The following SYNRG variants were observed in gnomAD, a reference collection of about 807,000 sequenced individuals.
SYNRG encodes AP1 gamma subunit binding protein 1.
In SYNRG, 37 loss-of-function variants were observed where a neutral mutation model predicts 130.9. The observed-to-expected ratio is 0.28, with a 90% confidence interval of 0.22 to 0.37. The LOEUF is 0.37. Ranked by LOEUF, SYNRG falls within the 10% of genes least tolerant of loss-of-function variation. The probability of loss-of-function intolerance (pLI) is 1.00; values close to 1 mark genes in which losing one functional copy is unlikely to be tolerated. For missense variants in SYNRG, 1,338 were observed against 1,588.9 expected, an observed-to-expected ratio of 0.84 and a Z score of 2.68; for synonymous variants, 539 against 568.1, an observed-to-expected ratio of 0.95 and a Z score of 0.73.
rs2057846977 is a variant in SYNRG, at chr17:37,542,441, A to C, written c.2733T>G (p.Phe911Leu). Reference sequence around the variant, plus strand: ...GGGATCCACTTCCTGCTGAGAGGACAAATGGAGAGAGTTTTCTGCCCTGAG... The same window carrying C: ...GGGATCCACTTCCTGCTGAGAGGACCAATGGAGAGAGTTTTCTGCCCTGAG... ...DATQGRKLSP[F>L]VLSAGSGSPS... Residue 911 changes from phenylalanine (F) to leucine (L), a missense_variant, in exon 15 of 22, where the codon TTT becomes TTG. Physicochemically the swap from Phe to Leu is conservative, Grantham distance 22 (BLOSUM62 0). Transcript: ENST00000612223. 6.2e-7 allele frequency: 1 copy of C among 1,614,082 alleles called. No individual in the cohort carries two copies. Among genetic ancestry groups the C allele is most frequent in the Non-Finnish European group, 8.5e-7 (1 of 1,180,052 alleles).
intron 19 of SYNRG, among the ~76,000 whole-genome samples, chr17:37,524,867 A>G (rs1165435515): frequency 6.6e-6 from 1 of 152,254 alleles, no homozygotes; most frequent in Non-Finnish European, 1.5e-5. Flanking sequence ...CACATTACAG[A>G]TAGTCATCAT....
chr17:37,514,837 G>A lies in SYNRG; in HGVS notation c.*4103C>T, dbSNP rs963603086. The A allele has an allele frequency of 1.3e-5, 2 of 152,164 alleles. No homozygotes were observed. The highest frequency in any genetic ancestry group is 4.8e-5 in the African/African-American group (2 of 41,426). The allele number at this position is 152,164 out of a possible 1,614,324, so 9.4% of individuals were successfully genotyped here. On this transcript the variant is annotated 3_prime_UTR_variant, in exon 22 of 22. Transcript: ENST00000612223. The stretch of plus-strand genomic sequence containing the variant: ...CTACACTTGTATTTTGGTTAGAGAA[G>A]TTTAACAAGGGGTGATTTCAGAACA...
intron 3 of SYNRG, among the ~76,000 whole-genome samples, chr17:37,595,777 G>A (rs568677768): frequency 7.6e-5 from 11 of 144,762 alleles, no homozygotes; most frequent in South Asian, 2.2e-4. Flanking sequence ...TTTTTGAGAC[G>A]GGAGTCTCAC....
chr17:37,536,209 A>G (rs772708732), intron 18 of SYNRG, 82 bp from the exon 19 acceptor site: 28 of 1,459,980 alleles, frequency 1.9e-5, no homozygotes, highest in Non-Finnish European at 2.4e-5. Flanking sequence ...TTGCTTGCTG[A>G]TATCTGTGAG....
At chr17:37,543,897 A>C (rs182776865) in intron 14 of SYNRG, among the ~76,000 whole-genome samples, 1 of 152,400 alleles carries the variant, frequency 6.6e-6, no homozygotes, top group Non-Finnish European at 1.5e-5. Context: ...TGAGGCAAGA[A>C]GGCCAAATAT....
rs567682471 is a variant in SYNRG at position 37,516,445 on chromosome 17, T to A, written c.*2495A>T. 7 of 152,248 alleles carry A rather than the reference T, an allele frequency of 4.6e-5. No homozygotes were observed. The East Asian group carries it at 1.3e-3, about 29-fold the overall frequency. 9.4% of individuals were successfully genotyped at this position (152,248 alleles called of 1,614,324 possible). On this transcript the variant is annotated 3_prime_UTR_variant, in exon 22 of 22. Coordinates refer to ENST00000612223, the MANE Select transcript of SYNRG (RefSeq NM_007247.6). The stretch of plus-strand genomic sequence containing the variant: ...ATCTGCTGAATTTTCCTGTGGCACC[T>A]CCCAAGGAGTGACTAAGCCTACCAT...
chr17:37,571,140 C>T (rs1489967070), intron 9 of SYNRG, among the ~76,000 whole-genome samples: 1 of 152,180 alleles, frequency 6.6e-6, no homozygotes, highest in African/African-American at 2.4e-5. Flanking sequence ...ATGATCAAAT[C>T]ATTTAAAATG....
At position 37,518,810 on chromosome 17, in the gene SYNRG, G is replaced by A. The variant is rs1390662771; in HGVS notation, c.*130C>T. 1.7e-5 allele frequency: 23 copies of A among 1,376,028 alleles called. No individual in the cohort carries two copies. The highest frequency in any genetic ancestry group is 1.1e-4 in the South Asian group (7 of 65,070). The allele number at this position is 1,376,028 out of a possible 1,614,324, so 85.2% of individuals were successfully genotyped here. A position where few individuals can be genotyped will look rare whatever the true frequency, so the allele number is the denominator to read the frequency against. ...TGGCCGTGGGGATGACGGGGGCCCCGTCCCTTGCGGTGTTCTTCATATCGA... is the reference window on the plus strand; with the variant it reads ...TGGCCGTGGGGATGACGGGGGCCCCATCCCTTGCGGTGTTCTTCATATCGA... On this transcript the variant is annotated 3_prime_UTR_variant, in exon 22 of 22. Transcript: ENST00000612223.
rs559154640 is a variant in SYNRG, at chr17:37,531,606, G to A, written c.3666+4373C>T. 5.3e-5 allele frequency among the ~76,000 whole-genome samples: 8 copies of A among 152,188 alleles called. No homozygotes were observed. In the East Asian group the frequency reaches 1.4e-3, roughly 26 times the overall value. ...AGCCTGAGCAACATGGCAAAACCCT[G>A]TCTTTACAAAAAATACAAAAACATT... On this transcript the variant is annotated intron_variant, in intron 19 of 21. Transcript: ENST00000612223.
At chr17:37,539,594 C>T (rs558444747) in intron 16 of SYNRG, among the ~76,000 whole-genome samples, 1 of 152,298 alleles carries the variant, frequency 6.6e-6, no homozygotes, top group East Asian at 1.9e-4. Context: ...TTGTCTTGAA[C>T]TCCTGAGCTC....
At chr17:37,531,619 A>G (rs528289033) in intron 19 of SYNRG, among the ~76,000 whole-genome samples, 5 of 152,212 alleles carry the variant, frequency 3.3e-5, no homozygotes, top group African/African-American at 1.2e-4. Context: ...TTTACAAAAA[A>G]TACAAAAACA....
intron 3 of SYNRG, among the ~76,000 whole-genome samples, chr17:37,592,975 A>G (rs945017916): frequency 6.6e-6 from 1 of 152,206 alleles, no homozygotes; most frequent in Non-Finnish European, 1.5e-5. Flanking sequence ...CATGTCCATC[A>G]TGTGCTCTAA....
chr17:37,562,075 T>C (rs1226856210), intron 11 of SYNRG, among the ~76,000 whole-genome samples: 1 of 152,190 alleles, frequency 6.6e-6, no homozygotes, highest in Admixed American at 6.5e-5. Context: ...ATAGTTGAGA[T>C]AAAAATCTAT....
intron 19 of SYNRG, among the ~76,000 whole-genome samples, chr17:37,533,042 G>T (rs935460952): frequency 1.4e-4 from 21 of 151,032 alleles, no homozygotes; most frequent in Middle Eastern, 3.2e-3. Flanking sequence ...CTTTTTTTTT[G>T]AAGGCAATGT....
chr17:37,541,965 T>C lies in SYNRG; in HGVS notation c.3202+7A>G. On this transcript the variant is annotated splice_region_variant and intron_variant, in intron 15 of 21. Coordinates refer to ENST00000612223, the MANE Select transcript of SYNRG (RefSeq NM_007247.6). ...CAATAGTAAAATCTACCTTGGAAGC[T>C]ACTCACCTTGAACAGAAAGGTCAAA... The C allele has an allele frequency of 6.2e-7, 1 of 1,607,192 alleles. No individual in the cohort carries two copies.
rs191449529 is a variant in SYNRG, at chr17:37,549,407, T to C, written c.2608+3708A>G. On this transcript the variant is annotated intron_variant, in intron 14 of 21. Coordinates refer to ENST00000612223, the MANE Select transcript of SYNRG (RefSeq NM_007247.6). Reference sequence around the variant, plus strand: ...TGTTGCCACATTTCATTGGTCCTTCTAGAAAATGTTTTCTTAAAAATAAGA... The same window carrying C: ...TGTTGCCACATTTCATTGGTCCTTCCAGAAAATGTTTTCTTAAAAATAAGA... Among the ~76,000 whole-genome samples the C allele has an allele frequency of 1.8e-3, 273 of 152,270 alleles. 1 individual carries two copies. Among genetic ancestry groups the C allele is most frequent in the Non-Finnish European group, 3.4e-3 (228 of 68,020 alleles).
intron 12 of SYNRG, 88 bp from the exon 13 acceptor site, chr17:37,561,345 A>G (rs1356578238): frequency 9.5e-6 from 14 of 1,472,902 alleles, no homozygotes; most frequent in South Asian, 1.1e-5. Flanking sequence ...TTAACCAAAC[A>G]CTATTAACAT....
intron 19 of SYNRG, among the ~76,000 whole-genome samples, chr17:37,522,427 C>T (rs2055216005): frequency 6.6e-6 from 1 of 152,008 alleles, no homozygotes; most frequent in Admixed American, 6.6e-5. Context: ...GGTGGGTTTA[C>T]AGGCATGAGC....
chr17:37,555,474 T>G (rs1265579363), intron 13 of SYNRG, among the ~76,000 whole-genome samples: 1 of 152,236 alleles, frequency 6.6e-6, no homozygotes, highest in Non-Finnish European at 1.5e-5. Context: ...ATTATCATAG[T>G]AATGTTATCA....
Sources: gnomAD v4.1 joint callset for allele counts (sites outside exome capture counted in the v4.1 genomes callset) on GRCh38, gnomAD v4.1.1 for gene constraint, MANE v1.5 for transcripts, NCBI Gene and HGNC (gene_info 2026-07-23, HGNC 2026-07-21) for gene names.